The following PRKG1 variants were observed in gnomAD, a reference collection of about 807,000 sequenced individuals.
The protein encoded by PRKG1 is cGMP-dependent protein kinase 1.
In PRKG1, 35 loss-of-function variants were observed where a neutral mutation model predicts 88.1. The observed-to-expected ratio is 0.40, with a 90% confidence interval of 0.30 to 0.53. The LOEUF (loss-of-function observed/expected upper bound fraction) is 0.53. PRKG1 is among the 20% of genes least tolerant of loss of function. The pLI is 0.59. For synonymous variants in PRKG1, 303 were observed against 292.5 expected (o/e 1.04, Z -0.37); for missense variants, 540 against 839.8 (o/e 0.64, Z 4.41).
At chr10:51,163,191 A>G (rs1194653679) in intron 2 of PRKG1, among the ~76,000 whole-genome samples, 2 of 152,200 alleles carry the variant, frequency 1.3e-5, no homozygotes, top group East Asian at 1.9e-4. Context: ...GAAAAACAGA[A>G]CACAAATAGA....
At chr10:51,425,590 G>A (rs1317793131) in intron 2 of PRKG1, among the ~76,000 whole-genome samples, 1 of 152,184 alleles carries the variant, frequency 6.6e-6, no homozygotes, top group Non-Finnish European at 1.5e-5. Flanking sequence ...ACAGCAGGGA[G>A]GCCTGGCTTG....
At chr10:51,487,582 T>A (rs1435142309) in intron 3 of PRKG1, among the ~76,000 whole-genome samples, 2 of 152,116 alleles carry the variant, frequency 1.3e-5, no homozygotes, top group Non-Finnish European at 2.9e-5. Flanking sequence ...GAGGATGGGC[T>A]GGACCTCATG....
intron 9 of PRKG1, among the ~76,000 whole-genome samples, chr10:52,233,922 G>T (rs1441712819): frequency 6.6e-6 from 1 of 151,986 alleles, no homozygotes; most frequent in South Asian, 2.1e-4. Flanking sequence ...CTGCCTGACA[G>T]CTTTGAAGAG....
chr10:51,894,538 T>C (rs1209660148), intron 4 of PRKG1, among the ~76,000 whole-genome samples: 2 of 152,182 alleles, frequency 1.3e-5, no homozygotes, highest in Non-Finnish European at 2.9e-5. Flanking sequence ...ATGGTTAAGA[T>C]AGCAAATTTT....
intron 4 of PRKG1, among the ~76,000 whole-genome samples, chr10:51,880,282 GT>G (rs1323063321): frequency 3.3e-5 from 5 of 151,280 alleles, no homozygotes; most frequent in African/African-American, 1.2e-4. Flanking sequence ...ATTAAATAAT[GT>G]GAGTTAGTTG....
intron 7 of PRKG1, among the ~76,000 whole-genome samples, chr10:52,123,037 A>G (rs190316608): frequency 6.6e-5 from 10 of 152,294 alleles, no homozygotes; most frequent in Admixed American, 6.5e-4. Flanking sequence ...GAAAATTGTC[A>G]ATATTTGGCT....
chr10:51,667,826 G>A (rs1156601803), intron 3 of PRKG1, among the ~76,000 whole-genome samples: 1 of 152,044 alleles, frequency 6.6e-6, no homozygotes, highest in Non-Finnish European at 1.5e-5. Context: ...TGACTATTTT[G>A]AGCTCTATAT....
chr10:51,064,554 CTCATAGGAACGGCTTGT>C (rs1843727350), intron 1 of PRKG1, among the ~76,000 whole-genome samples: 1 of 151,806 alleles, frequency 6.6e-6, no homozygotes, highest in South Asian at 2.1e-4. Flanking sequence ...GTTTTATTTT[CTCATAGGAACGGCTTGT>C]CTTTAGGTTT....
At chr10:52,102,291 A>G (rs930437709) in intron 7 of PRKG1, among the ~76,000 whole-genome samples, 1 of 152,146 alleles carries the variant, frequency 6.6e-6, no homozygotes, top group African/African-American at 2.4e-5. Context: ...AACACAACAT[A>G]TTTAATTCAG....
intron 9 of PRKG1, among the ~76,000 whole-genome samples, chr10:52,248,603 C>A (rs542815278): frequency 6.5e-4 from 99 of 152,272 alleles, no homozygotes; most frequent in Middle Eastern, 3.4e-3. Context: ...TTACCAATAT[C>A]TTTGCATCAA....
chr10:52,096,391 T>C (rs955017808), intron 7 of PRKG1, among the ~76,000 whole-genome samples: 3 of 152,202 alleles, frequency 2.0e-5, no homozygotes. Context: ...CTCCCATTTA[T>C]CCTGGTCCAC....
chr10:52,066,331 A>T (rs1000774179), intron 7 of PRKG1, among the ~76,000 whole-genome samples: 2 of 152,220 alleles, frequency 1.3e-5, no homozygotes, highest in Non-Finnish European at 2.9e-5. Context: ...AAACCTTGGT[A>T]AGCTCCTCCA....
At position 52,018,406 on chromosome 10, in the gene PRKG1, T is replaced by C. The variant is rs115796495; in HGVS notation, c.763-36078T>C. On this transcript the variant is annotated intron_variant, in intron 5 of 17. Transcript: ENST00000373980. ...AATAGGTTTTTTATGTCCATTTTTATACACCAAGATACAAATTAGTTTCCT... is the reference window on the plus strand; with the variant it reads ...AATAGGTTTTTTATGTCCATTTTTACACACCAAGATACAAATTAGTTTCCT... Among the ~76,000 whole-genome samples the C allele has an allele frequency of 2.5e-3, 376 of 152,320 alleles. 4 individuals carry two copies. The highest frequency in any genetic ancestry group is 8.5e-3 in the African/African-American group (355 of 41,572).
chr10:51,248,991 A>G (rs925649863), intron 2 of PRKG1, among the ~76,000 whole-genome samples: 5 of 151,874 alleles, frequency 3.3e-5, no homozygotes, highest in Admixed American at 6.6e-5. Context: ...AATTAAGTAC[A>G]ACCGAAGGTG....
At chr10:51,566,934 AAAAG>A (rs1377746607) in intron 3 of PRKG1, among the ~76,000 whole-genome samples, 5 of 149,290 alleles carry the variant, frequency 3.3e-5, no homozygotes, top group South Asian at 2.1e-4. Context: ...ACATAAAAAA[AAAAG>A]AGAGAGAGAG....
At chr10:51,867,407 T>A (rs1419509870) in intron 4 of PRKG1, among the ~76,000 whole-genome samples, 1 of 151,802 alleles carries the variant, frequency 6.6e-6, no homozygotes, top group South Asian at 2.1e-4. Context: ...TCTGAAACAG[T>A]GTAGAGAAGA....
intron 2 of PRKG1, among the ~76,000 whole-genome samples, chr10:51,449,072 T>TC (rs1839356340): frequency 6.6e-6 from 1 of 151,516 alleles, no homozygotes. Flanking sequence ...TCACCTAATA[T>TC]AAATAGCCAT....
intron 5 of PRKG1, among the ~76,000 whole-genome samples, chr10:52,033,896 T>C (rs909214655): frequency 2.1e-4 from 31 of 151,212 alleles, no homozygotes; most frequent in Non-Finnish European, 3.1e-4. Context: ...TTTATAGGAT[T>C]TGGGTAGGTA....
intron 8 of PRKG1, among the ~76,000 whole-genome samples, chr10:52,151,132 A>T (rs1383400465): frequency 6.6e-6 from 1 of 152,164 alleles, no homozygotes; most frequent in East Asian, 1.9e-4. Context: ...TTTGTTATAT[A>T]GGTAAACTTG....
Sources: gnomAD v4.1 joint callset for allele counts (sites outside exome capture counted in the v4.1 genomes callset) on GRCh38, gnomAD v4.1.1 for gene constraint, MANE v1.5 for transcripts, NCBI Gene and HGNC (gene_info 2026-07-23, HGNC 2026-07-21) for gene names.